ST7: variants seen among roughly 807,000 people sequenced by gnomAD.
The protein encoded by ST7 is suppressor of tumorigenicity 7 protein.
Under a neutral mutation model 78.7 loss-of-function variants are expected in ST7, and 28 were observed. The observed-to-expected ratio is 0.36, with a 90% CI of 0.26 to 0.49. The LOEUF is 0.49. Among genes scored for constraint, ST7 ranks in the 20% least tolerant of loss-of-function variants. The probability of loss-of-function intolerance (pLI) is 0.99; values close to 1 mark genes in which losing one functional copy is unlikely to be tolerated. For missense variants in ST7, 418 were observed against 696.0 expected, an observed-to-expected ratio of 0.60 and a Z score of 4.49; for synonymous variants, 247 against 249.6, an observed-to-expected ratio of 0.99 and a Z score of 0.10.
In ST7 at chr7:117,229,885, C is replaced by A; in HGVS notation, c.*28C>A. 1 of 1,577,112 alleles carries A rather than the reference C, an allele frequency of 6.3e-7. No homozygotes were observed. The highest frequency in any genetic ancestry group is 8.7e-7 in the Non-Finnish European group (1 of 1,146,206). On this transcript the variant is annotated 3_prime_UTR_variant, in exon 16 of 16. Transcript: ENST00000323984. ...GAAGCCCTGTCCTCCACTCACCTCA[C>A]CCGCCGCTGCCACCATCTCCTCTGT...
rs566609342 is a variant in ST7, at chr7:117,020,704, T to C, written c.151+67013T>C. On this transcript the variant is annotated intron_variant, in intron 1 of 15. Coordinates refer to ENST00000323984, the MANE Select transcript of ST7 (RefSeq NM_001369598.1). ...CATGGTTTCATTGGCTTAGAGTTCA[T>C]ATCACTTTGCCTTAGGTCATTAACA... The C allele has an allele frequency of 7.8e-6, 12 of 1,541,158 alleles. 1 individual carries two copies. The African/African-American group carries it at 8.3e-5, about 11-fold the overall frequency.
intron 1 of ST7, among the ~76,000 whole-genome samples, chr7:117,040,485 A>C (rs766079129): frequency 6.6e-6 from 1 of 152,194 alleles, no homozygotes; most frequent in Non-Finnish European, 1.5e-5. Flanking sequence ...CCCCTAATAC[A>C]CTGCCTTCCT....
chr7:117,075,752 G>C (rs925705352), intron 1 of ST7, among the ~76,000 whole-genome samples: 4 of 152,154 alleles, frequency 2.6e-5, no homozygotes, highest in African/African-American at 9.7e-5. Flanking sequence ...AATTTATCCT[G>C]ATCTTTCTCA....
At chr7:117,162,148 A>G (rs1004029594) in intron 9 of ST7, among the ~76,000 whole-genome samples, 6 of 152,110 alleles carry the variant, frequency 3.9e-5, no homozygotes, top group African/African-American at 4.8e-5. Flanking sequence ...ATTGCCTTTA[A>G]GAATAACAAT....
intron 1 of ST7, among the ~76,000 whole-genome samples, chr7:116,996,388 CT>C (rs1794656418): frequency 6.6e-6 from 1 of 152,156 alleles, no homozygotes; most frequent in Admixed American, 6.5e-5. Context: ...ATTCCCAGTT[CT>C]TTATGTTCAA....
At chr7:117,099,969 A>G (rs1011215243) in intron 2 of ST7, 125 bp downstream of exon 2, 6 of 653,016 alleles carry the variant, frequency 9.2e-6, no homozygotes, top group Admixed American at 7.4e-5. Flanking sequence ...TTGCACATGT[A>G]TATATGTTGG....
intron 1 of ST7, among the ~76,000 whole-genome samples, chr7:116,996,080 C>G (rs1288031266): frequency 7.2e-6 from 1 of 138,832 alleles, no homozygotes; most frequent in Non-Finnish European, 1.6e-5. Flanking sequence ...TGCAGATTCC[C>G]CGTTTTTTTT....
intron 9 of ST7, among the ~76,000 whole-genome samples, chr7:117,142,633 G>C (rs1325104631): frequency 6.6e-6 from 1 of 152,112 alleles, no homozygotes; most frequent in Non-Finnish European, 1.5e-5. Flanking sequence ...TTGTTTTTGA[G>C]ATGGGGTCTC....
intron 9 of ST7, chr7:117,145,221 A>G (rs944164779): frequency 1.3e-5 from 2 of 152,104 alleles, no homozygotes; most frequent in Non-Finnish European, 2.9e-5. Flanking sequence ...AAAGTAGAAA[A>G]TGGGGTAGAC....
intron 1 of ST7, among the ~76,000 whole-genome samples, chr7:116,961,941 C>A (rs1045774666): frequency 6.6e-6 from 1 of 151,854 alleles, no homozygotes; most frequent in Non-Finnish European, 1.5e-5. Flanking sequence ...CCTCACCCCC[C>A]CACCCCCTGA....
intron 1 of ST7, among the ~76,000 whole-genome samples, chr7:117,071,216 C>A (rs967673958): frequency 3.9e-5 from 6 of 152,114 alleles, no homozygotes; most frequent in African/African-American, 1.4e-4. Context: ...GAGCGAGACT[C>A]CGTCTCAAAA....
At chr7:116,981,259 C>T (rs930916541) in intron 1 of ST7, among the ~76,000 whole-genome samples, 39 of 152,208 alleles carry the variant, frequency 2.6e-4, no homozygotes, top group African/African-American at 8.4e-4. Flanking sequence ...AGGCACATGC[C>T]ACCACACCCA....
chr7:117,200,355 A>G (rs758231175), intron 12 of ST7, among the ~76,000 whole-genome samples: 16 of 152,078 alleles, frequency 1.1e-4, no homozygotes, highest in Non-Finnish European at 1.9e-4. Context: ...TTGAGGTCCC[A>G]CCCATAGAGG....
chr7:117,128,514 C>T (rs962562712), intron 3 of ST7, among the ~76,000 whole-genome samples: 1 of 151,722 alleles, frequency 6.6e-6, no homozygotes, highest in Non-Finnish European at 1.5e-5. Flanking sequence ...AAATTTAGGG[C>T]CATTATTTAT....
intron 10 of ST7, among the ~76,000 whole-genome samples, chr7:117,174,999 G>A (rs1242401969): frequency 5.3e-5 from 8 of 152,192 alleles, no homozygotes; most frequent in Admixed American, 3.3e-4. Flanking sequence ...TGAAGCCATG[G>A]TGCAGAATTT....
intron 1 of ST7, chr7:116,953,933 C>G (rs916641214): frequency 6.6e-6 from 1 of 152,186 alleles, no homozygotes; most frequent in African/African-American, 2.4e-5. Context: ...GCGCACAGCC[C>G]GCAAGGCGGG....
chr7:117,087,072 A>G (rs1408539402), intron 1 of ST7, among the ~76,000 whole-genome samples: 1 of 152,204 alleles, frequency 6.6e-6, no homozygotes, highest in Non-Finnish European at 1.5e-5. Context: ...GATTTTCCTC[A>G]GAAGAGAAGT....
chr7:116,978,979 G>T (rs1793826265), intron 1 of ST7, among the ~76,000 whole-genome samples: 1 of 152,250 alleles, frequency 6.6e-6, no homozygotes, highest in African/African-American at 2.4e-5. Context: ...ATGTTTTATT[G>T]GTAACAAAGG....
At chr7:117,088,542 TGTGA>T (rs1419771022) in intron 1 of ST7, among the ~76,000 whole-genome samples, 2 of 152,234 alleles carry the variant, frequency 1.3e-5, no homozygotes, top group African/African-American at 2.4e-5. Flanking sequence ...AGTTGATTAT[TGTGA>T]GTATTTTGAA....
Sources: gnomAD v4.1 joint callset for allele counts (sites outside exome capture counted in the v4.1 genomes callset) on GRCh38, gnomAD v4.1.1 for gene constraint, MANE v1.5 for transcripts, NCBI Gene and HGNC (gene_info 2026-07-23, HGNC 2026-07-21) for gene names.